ZCCHC7: variants seen among roughly 807,000 people sequenced by gnomAD.
ZCCHC7 encodes the protein zinc finger CCHC-type containing 7.
In ZCCHC7, 35 loss-of-function variants were observed where a neutral mutation model predicts 52.0. The ratio of observed to expected loss-of-function variants is 0.67; its 90% confidence interval spans 0.51 to 0.89. The LOEUF (loss-of-function observed/expected upper bound fraction) is 0.89. Among genes scored for constraint, ZCCHC7 ranks in the 40% least tolerant of loss-of-function variants. The pLI, the probability that ZCCHC7 is intolerant of heterozygous loss-of-function variation, is 0.00. For missense variants in ZCCHC7, 574 were observed against 649.1 expected, an observed-to-expected ratio of 0.88 and a Z score of 1.26; for synonymous variants, 217 against 221.5, an observed-to-expected ratio of 0.98 and a Z score of 0.18.
chr9:37,236,641 G>T (rs1485973252), intron 2 of ZCCHC7, among the ~76,000 whole-genome samples: 1 of 151,906 alleles, frequency 6.6e-6, no homozygotes, highest in East Asian at 1.9e-4. Flanking sequence ...TGATCCGCCC[G>T]TCTCAGCCTC....
chr9:37,225,408 C>G (rs1564189927), intron 2 of ZCCHC7, among the ~76,000 whole-genome samples: 1 of 152,078 alleles, frequency 6.6e-6, no homozygotes, highest in Non-Finnish European at 1.5e-5. Context: ...ACAAACTCTT[C>G]CAGAATATAT....
intron 2 of ZCCHC7, among the ~76,000 whole-genome samples, chr9:37,257,859 T>A (rs1362235751): frequency 5.9e-5 from 9 of 152,236 alleles, no homozygotes; most frequent in Admixed American, 5.9e-4. Context: ...GGTGCCATGC[T>A]TCTTTTGTAT....
chr9:37,185,812 G>T (rs920216703), intron 2 of ZCCHC7, among the ~76,000 whole-genome samples: 1 of 152,164 alleles, frequency 6.6e-6, no homozygotes, highest in African/African-American at 2.4e-5. Flanking sequence ...GAGGGACCCT[G>T]TTTCCAAATA....
chr9:37,234,886 C>A (rs1825571018), intron 2 of ZCCHC7, among the ~76,000 whole-genome samples: 1 of 152,144 alleles, frequency 6.6e-6, no homozygotes, highest in South Asian at 2.1e-4. Context: ...GTTTTACCTG[C>A]AGTGTCATTT....
At chr9:37,226,824 A>T (rs1298189103) in intron 2 of ZCCHC7, among the ~76,000 whole-genome samples, 1 of 152,094 alleles carries the variant, frequency 6.6e-6, no homozygotes, top group African/African-American at 2.4e-5. Flanking sequence ...AGCTCAGGAG[A>T]TCGAGACCAT....
chr9:37,343,698 C>T (rs919585662), intron 6 of ZCCHC7, among the ~76,000 whole-genome samples: 6 of 152,192 alleles, frequency 3.9e-5, no homozygotes, highest in Non-Finnish European at 8.8e-5. Flanking sequence ...TGGTGCATAA[C>T]TTATTTCCAC....
chr9:37,280,919 C>CA (rs1361617619), intron 2 of ZCCHC7, among the ~76,000 whole-genome samples: 5 of 147,592 alleles, frequency 3.4e-5, no homozygotes, highest in East Asian at 2.0e-4. Context: ...ATGTTGAAAG[C>CA]AAAAAAAAAG....
At chr9:37,221,082 A>G (rs1824785007) in intron 2 of ZCCHC7, among the ~76,000 whole-genome samples, 1 of 152,222 alleles carries the variant, frequency 6.6e-6, no homozygotes, top group South Asian at 2.1e-4. Context: ...GGAGCTTACC[A>G]GGTTCCACCA....
At chr9:37,256,639 A>G (rs547050844) in intron 2 of ZCCHC7, among the ~76,000 whole-genome samples, 7 of 152,170 alleles carry the variant, frequency 4.6e-5, no homozygotes, top group Non-Finnish European at 1.0e-4. Flanking sequence ...TGTATGATGA[A>G]ACGGGAAGTA....
chr9:37,126,757 C>T lies in ZCCHC7; in HGVS notation c.425C>T (p.Ser142Phe). The T allele has an allele frequency of 1.9e-6, 3 of 1,614,080 alleles. No individual in the cohort carries two copies. Among genetic ancestry groups the T allele is most frequent in the Non-Finnish European group, 2.5e-6 (3 of 1,180,002 alleles). The part of the protein sequence containing the change: ...KCKSDIEKPK[S>F]EERSGVIREV... ...AAGAGTGATATTGAGAAGCCTAAAT[C>T]TGAAGAGAGATCAGGTGTAATCCGA... Residue 142 changes from serine to phenylalanine, a missense_variant, in exon 2 of 9, where the codon TCT becomes TTT. Ser to Phe is a radical substitution (Grantham distance 155). Transcript: ENST00000336755.
intron 6 of ZCCHC7, among the ~76,000 whole-genome samples, chr9:37,341,114 C>G (rs1371391731): frequency 6.6e-6 from 1 of 152,140 alleles, no homozygotes; most frequent in Non-Finnish European, 1.5e-5. Context: ...AGAAGGATCT[C>G]TTTGTCCCTG....
intron 1 of ZCCHC7, among the ~76,000 whole-genome samples, chr9:37,124,948 T>A (rs1842479853): frequency 6.6e-6 from 1 of 152,158 alleles, no homozygotes; most frequent in Non-Finnish European, 1.5e-5. Flanking sequence ...GCCTCCCAGG[T>A]TCAAGCTATT....
intron 2 of ZCCHC7, among the ~76,000 whole-genome samples, chr9:37,245,878 T>C (rs576012002): frequency 6.4e-4 from 97 of 152,162 alleles, no homozygotes; most frequent in African/African-American, 1.8e-3. Flanking sequence ...TTATGTATAA[T>C]TTGGTGTGGC....
intron 2 of ZCCHC7, among the ~76,000 whole-genome samples, chr9:37,256,823 T>TAAA (rs1274779670): frequency 6.6e-6 from 1 of 152,222 alleles, no homozygotes; most frequent in East Asian, 1.9e-4. Context: ...TGGCCTAGTG[T>TAAA]AAAAGAACAG....
chr9:37,211,534 G>A (rs919400356), intron 2 of ZCCHC7, among the ~76,000 whole-genome samples: 5 of 152,008 alleles, frequency 3.3e-5, no homozygotes, highest in African/African-American at 1.2e-4. Context: ...ATGCAGATAA[G>A]TAGTATGTTT....
Position 37,317,646 on chromosome 9 carries a change from A to C in ZCCHC7, c.952-10153A>C, listed in dbSNP as rs141947433. ...AGTAAAATAAAAGGTTATTTGTTTC[A>C]ATAATCAGAAGAAAAGTAAGACAAA... is the stretch of plus-strand genomic sequence containing the variant. On this transcript the variant is annotated intron_variant, in intron 5 of 8. Coordinates refer to ENST00000336755, the MANE Select transcript of ZCCHC7 (RefSeq NM_032226.3). Among the ~76,000 whole-genome samples, 311 of 152,324 alleles carry C rather than the reference A, an allele frequency of 2.0e-3. 7 individuals are homozygous for C. The East Asian group carries it at 0.052, about 25-fold the overall frequency.
intron 7 of ZCCHC7, 144 bp downstream of exon 7, chr9:37,349,596 C>A: frequency 1.4e-6 from 1 of 729,790 alleles, no homozygotes. Context: ...AACTGGTTTA[C>A]CCCTCCCCTC....
chr9:37,271,718 C>T (rs1295788139), intron 2 of ZCCHC7, among the ~76,000 whole-genome samples: 1 of 152,024 alleles, frequency 6.6e-6, no homozygotes, highest in Non-Finnish European at 1.5e-5. Context: ...TGTGGGGGTG[C>T]GCCAACATGC....
chr9:37,120,592 C>T lies in ZCCHC7; in HGVS notation c.-53C>T, dbSNP rs920825269. ...CCCGTCCCTCTACGCGTTTTGGTTC[C>T]CGGTTGGTGCTTCCTGTTCGCAGCT... On this transcript the variant is annotated 5_prime_UTR_variant, in exon 1 of 9. Coordinates refer to ENST00000336755, the MANE Select transcript of ZCCHC7 (RefSeq NM_032226.3). The T allele has an allele frequency of 7.5e-6, 3 of 399,006 alleles. No homozygotes were observed. Among genetic ancestry groups the T allele is most frequent in the Non-Finnish European group, 8.8e-6 (2 of 226,082 alleles). 24.7% of individuals were successfully genotyped at this position (399,006 alleles called of 1,614,324 possible).
Sources: gnomAD v4.1 joint callset for allele counts (sites outside exome capture counted in the v4.1 genomes callset) on GRCh38, gnomAD v4.1.1 for gene constraint, MANE v1.5 for transcripts, NCBI Gene and HGNC (gene_info 2026-07-23, HGNC 2026-07-21) for gene names.